Variants in GRIK4 observed in about 807,000 individuals in gnomAD.
The protein encoded by GRIK4 is glutamate receptor ionotropic, kainate 4.
Under a neutral mutation model 104.9 loss-of-function variants are expected in GRIK4, and 40 were observed. The ratio of observed to expected loss-of-function variants is 0.38; its 90% CI spans 0.30 to 0.50. GRIK4 has a LOEUF of 0.50. Ranked by LOEUF, GRIK4 falls within the 20% of genes least tolerant of loss-of-function variation. The probability of loss-of-function intolerance (pLI) is 0.93; values close to 1 mark genes in which losing one functional copy is unlikely to be tolerated. For missense variants in GRIK4, 1,047 were observed against 1,308.1 expected (o/e 0.80, Z 3.08); for synonymous variants, 485 against 524.9 (o/e 0.92, Z 1.04).
chr11:120,797,891 C>G (rs1277640713), intron 3 of GRIK4, among the ~76,000 whole-genome samples: 2 of 152,198 alleles, frequency 1.3e-5, no homozygotes, highest in Non-Finnish European at 2.9e-5. Flanking sequence ...CATTTTCCCT[C>G]TGTCTCAAGG....
chr11:120,730,171 A>G (rs2135389971), intron 3 of GRIK4, among the ~76,000 whole-genome samples: 3 of 152,184 alleles, frequency 2.0e-5, no homozygotes, highest in Admixed American at 2.0e-4. Context: ...TCTGGGCAAT[A>G]CGGCAAAACC....
intron 3 of GRIK4, among the ~76,000 whole-genome samples, chr11:120,666,592 G>A (rs1020141559): frequency 9.9e-5 from 15 of 152,238 alleles, no homozygotes; most frequent in Admixed American, 9.8e-4. Flanking sequence ...TGTCAGACAT[G>A]AAGGGATGGG....
rs116409697 is a variant in GRIK4 at position 120,585,901 on chromosome 11, G to A, written c.-158-67784G>A. ...AGTTCTGGCTTGAGAAACTGATTGG[G>A]TCAGGGTGCCATTTCTAAGATGGGA... On this transcript the variant is annotated intron_variant, in intron 1 of 20. Coordinates refer to ENST00000527524, the MANE Select transcript of GRIK4 (RefSeq NM_014619.5). 2.9e-3 allele frequency among the ~76,000 whole-genome samples: 444 copies of A among 152,234 alleles called. 2 individuals carry two copies. The highest frequency in any genetic ancestry group is 0.01 in the African/African-American group (419 of 41,540).
chr11:120,564,984 T>TG (rs148651543), intron 1 of GRIK4, among the ~76,000 whole-genome samples: 125 of 139,160 alleles, frequency 9.0e-4, no homozygotes, highest in East Asian at 6.5e-3. Context: ...TGCGGGGGGG[T>TG]GGGGGGGGTG....
chr11:120,771,903 G>T lies in GRIK4; in HGVS notation c.83-30790G>T, dbSNP rs1033665475. Among the ~76,000 whole-genome samples, 29 of 152,250 alleles carry T rather than the reference G, an allele frequency of 1.9e-4. 1 individual carries two copies. The highest frequency in any genetic ancestry group is 1.1e-3 in the Admixed American group (17 of 15,286). On this transcript the variant is annotated intron_variant, in intron 3 of 20. Coordinates refer to ENST00000527524, the MANE Select transcript of GRIK4 (RefSeq NM_014619.5). ...ATCACCATGGAGAACCCCCACTTGG[G>T]CAATTGCCCAGTAGAACCACAGGGG...
At chr11:120,790,986 G>A (rs745393716) in intron 3 of GRIK4, among the ~76,000 whole-genome samples, 4 of 152,174 alleles carry the variant, frequency 2.6e-5, no homozygotes, top group African/African-American at 9.7e-5. Context: ...TGGACATTTG[G>A]ACATTTCTTA....
intron 13 of GRIK4, among the ~76,000 whole-genome samples, chr11:120,919,764 G>A (rs1166182893): frequency 6.6e-6 from 1 of 152,166 alleles, no homozygotes; most frequent in Non-Finnish European, 1.5e-5. Context: ...GGATTCAACA[G>A]GCGTTTCAGA....
chr11:120,730,435 A>G (rs1185124066), intron 3 of GRIK4, among the ~76,000 whole-genome samples: 3 of 152,120 alleles, frequency 2.0e-5, no homozygotes, highest in Admixed American at 6.5e-5. Context: ...TCATTGATCT[A>G]TGTATCTGTT....
intron 4 of GRIK4, among the ~76,000 whole-genome samples, chr11:120,814,549 G>T (rs1031523118): frequency 1.3e-5 from 2 of 152,098 alleles, no homozygotes; most frequent in Non-Finnish European, 2.9e-5. Flanking sequence ...AGCCGAGATC[G>T]CACCACACCA....
Position 120,891,781 on chromosome 11 carries a change from G to C in GRIK4, c.1165-6751G>C, listed in dbSNP as rs143413353. On this transcript the variant is annotated intron_variant, in intron 11 of 20. Coordinates refer to ENST00000527524, the MANE Select transcript of GRIK4 (RefSeq NM_014619.5). The stretch of plus-strand genomic sequence containing the variant: ...AAGAACGTGGTTCTGGGAGGAGTCC[G>C]ACTTTGAGGGATTAGCAAGGAAAGG... 5.4e-3 allele frequency among the ~76,000 whole-genome samples: 824 copies of C among 152,276 alleles called. 10 individuals are homozygous for C. Among genetic ancestry groups the C allele is most frequent in the African/African-American group, 0.017 (704 of 41,538 alleles).
intron 7 of GRIK4, among the ~76,000 whole-genome samples, chr11:120,833,932 A>C (rs2135568541): frequency 6.6e-6 from 1 of 152,248 alleles, no homozygotes; most frequent in East Asian, 1.9e-4. Flanking sequence ...TGGCTGCCTC[A>C]TTTCCTATCA....
chr11:120,943,643 G>A (rs771959192), intron 14 of GRIK4, among the ~76,000 whole-genome samples: 1 of 152,156 alleles, frequency 6.6e-6, no homozygotes, highest in African/African-American at 2.4e-5. Context: ...ATTGTTATCT[G>A]TGAGCAAAAA....
At chr11:120,738,931 G>A (rs918129386) in intron 3 of GRIK4, among the ~76,000 whole-genome samples, 3 of 152,236 alleles carry the variant, frequency 2.0e-5, no homozygotes, top group Non-Finnish European at 4.4e-5. Context: ...GTAGGGAGCG[G>A]ACTCTGGCTT....
intron 4 of GRIK4, among the ~76,000 whole-genome samples, chr11:120,814,041 C>G (rs556055425): frequency 1.3e-5 from 2 of 152,192 alleles, no homozygotes; most frequent in Admixed American, 1.3e-4. Context: ...TTCTCTCCCC[C>G]TCCTCTGATT....
chr11:120,618,735 A>G (rs1164969571), intron 1 of GRIK4, among the ~76,000 whole-genome samples: 1 of 152,232 alleles, frequency 6.6e-6, no homozygotes, highest in African/African-American at 2.4e-5. Context: ...CAGAGGGTAC[A>G]AGTCATAAGC....
At position 120,940,240 on chromosome 11, in the gene GRIK4, C is replaced by A. The variant is rs896589144; in HGVS notation, c.1477-107C>A. ...TTAGAGCCACTCCTCAAGCAAGAAG[C>A]CAGACCAGCATCACATCTCCAATAG... On this transcript the variant is annotated intron_variant, in intron 13 of 20. Transcript: ENST00000527524. The surrounding 1 kb of genome is among the most constrained non-coding windows in gnomAD (Gnocchi z 4.3). 3.0e-6 allele frequency: 2 copies of A among 674,172 alleles called. No homozygotes were observed. The highest frequency in any genetic ancestry group is 5.2e-5 in the Admixed American group (2 of 38,598). 41.8% of individuals were successfully genotyped at this position (674,172 alleles called of 1,614,324 possible). A position where few individuals can be genotyped will look rare whatever the true frequency, so the allele number is the denominator to read the frequency against.
chr11:120,620,311 T>G, intron 1 of GRIK4: 1 of 667,086 alleles, frequency 1.5e-6, no homozygotes, highest in African/African-American at 1.8e-5. Flanking sequence ...TCAGGAACTT[T>G]AGTAGTTTCC....
intron 3 of GRIK4, among the ~76,000 whole-genome samples, chr11:120,762,046 G>T (rs1951760341): frequency 6.6e-6 from 1 of 152,066 alleles, no homozygotes; most frequent in Admixed American, 6.5e-5. Flanking sequence ...GGGTAGTATG[G>T]CCATTTTCAT....
At chr11:120,615,862 A>G (rs1949105554) in intron 1 of GRIK4, among the ~76,000 whole-genome samples, 1 of 150,318 alleles carries the variant, frequency 6.7e-6, no homozygotes, top group Admixed American at 6.7e-5. Context: ...GTGTCCCCCT[A>G]CTTCTCTTCT....
Sources: allele counts gnomAD v4.1 joint callset (sites outside exome capture counted in the v4.1 genomes callset), GRCh38; gene constraint gnomAD v4.1.1; non-coding constraint Gnocchi (gnomAD v3.1); transcripts MANE v1.5; gene names NCBI Gene and HGNC (gene_info 2026-07-23, HGNC 2026-07-21).